SPDYE10: variants seen among roughly 807,000 people sequenced by gnomAD.
SPDYE10 encodes speedy protein E10.
At chr7:73,149,605 C>T in the SPDYE10 span, among the ~76,000 whole-genome samples, 1 of 152,186 alleles carries the variant, frequency 6.6e-6, no homozygotes, top group African/African-American at 2.4e-5. Context: ...TTTTTTTATT[C>T]ATCGTGTTTC....
chr7:73,127,386 A>T, the SPDYE10 span, among the ~76,000 whole-genome samples: 7 of 119,142 alleles, frequency 5.9e-5, no homozygotes, highest in South Asian at 1.4e-3. Flanking sequence ...CCCTGCCTCT[A>T]CTAAAAATGA....
the SPDYE10 span, among the ~76,000 whole-genome samples, chr7:73,123,788 C>CCTCTCT: frequency 0.13 from 12,785 of 97,284 alleles, 895 homozygotes; most frequent in Middle Eastern, 0.15. Context: ...TCTCTCTCTC[C>CCTCTCT]CTCTCTCTCT....
the SPDYE10 span, among the ~76,000 whole-genome samples, chr7:73,116,985 T>A: frequency 6.6e-6 from 1 of 151,660 alleles, no homozygotes; most frequent in South Asian, 2.1e-4. Context: ...AACCTCCACC[T>A]CCCAGGTTCA....
chr7:73,128,061 G>A, the SPDYE10 span, among the ~76,000 whole-genome samples: 1 of 151,322 alleles, frequency 6.6e-6, no homozygotes, highest in African/African-American at 2.4e-5. Flanking sequence ...CAGAAACAAA[G>A]TAAATGTTCA....
the SPDYE10 span, among the ~76,000 whole-genome samples, chr7:73,113,615 C>G: frequency 6.6e-6 from 1 of 151,130 alleles, no homozygotes; most frequent in Non-Finnish European, 1.5e-5. Flanking sequence ...GGGTTCCGGC[C>G]AGGCACAGTG....
the SPDYE10 span, among the ~76,000 whole-genome samples, chr7:73,123,711 G>T: frequency 2.0e-5 from 3 of 150,942 alleles, no homozygotes; most frequent in Non-Finnish European, 4.4e-5. Flanking sequence ...GCCCACCTCA[G>T]CTTCCCAAAG....
At chr7:73,145,006 CAA>C in the SPDYE10 span, among the ~76,000 whole-genome samples, 4 of 39,470 alleles carry the variant, frequency 1.0e-4, no homozygotes, top group East Asian at 1.2e-3. Context: ...GGCTTCGTCT[CAA>C]AAAAAAAAAA....
chr7:73,134,527 G>GA, the SPDYE10 span, among the ~76,000 whole-genome samples: 2 of 12,488 alleles, frequency 1.6e-4, no homozygotes, highest in Non-Finnish European at 2.6e-4. Flanking sequence ...TAATAAAAAA[G>GA]AAAGAAAGAA....
the SPDYE10 span, among the ~76,000 whole-genome samples, chr7:73,137,624 AAG>A: frequency 7.0e-6 from 1 of 143,564 alleles, no homozygotes; most frequent in East Asian, 2.0e-4. Flanking sequence ...GAAAGAAAGA[AAG>A]AAAGAAAGAA....
chr7:73,127,684 A>T, the SPDYE10 span, among the ~76,000 whole-genome samples: 2 of 124,110 alleles, frequency 1.6e-5, no homozygotes, highest in African/African-American at 5.8e-5. Context: ...CAGGCAATTC[A>T]CAGAAGGAAA....
chr7:73,134,637 A>C, the SPDYE10 span, among the ~76,000 whole-genome samples: 5 of 152,364 alleles, frequency 3.3e-5, no homozygotes, highest in Middle Eastern at 3.4e-3. Context: ...TGAGGCGGGC[A>C]GCTCACTTGA....
chr7:73,113,926 T>A, the SPDYE10 span, among the ~76,000 whole-genome samples: 1 of 151,710 alleles, frequency 6.6e-6, no homozygotes, highest in Non-Finnish European at 1.5e-5. Context: ...CTCAGGAGGC[T>A]GAGGCAGGAG....
the SPDYE10 span, among the ~76,000 whole-genome samples, chr7:73,148,979 CT>C: frequency 4.1e-3 from 389 of 94,484 alleles, 1 homozygote; most frequent in East Asian, 0.02. Flanking sequence ...CGAAAAATAA[CT>C]TTTTTTTTTT....
chr7:73,111,377 C>CTA, the SPDYE10 span, among the ~76,000 whole-genome samples: 1 of 144,396 alleles, frequency 6.9e-6, no homozygotes. Context: ...CCCTGGCTCT[C>CTA]TGAGTCCCTC....
At chr7:73,134,372 G>T in the SPDYE10 span, among the ~76,000 whole-genome samples, 1 of 148,248 alleles carries the variant, frequency 6.7e-6, no homozygotes, top group Non-Finnish European at 1.5e-5. Context: ...GGCCTGTTGT[G>T]CGGTGGAGGG....
the SPDYE10 span, among the ~76,000 whole-genome samples, chr7:73,134,561 G>GAA: frequency 6.6e-6 from 1 of 152,068 alleles, no homozygotes; most frequent in Non-Finnish European, 1.5e-5. Flanking sequence ...AAGAAAGAAA[G>GAA]AAAGAAACCG....
the SPDYE10 span, among the ~76,000 whole-genome samples, chr7:73,123,765 TTCTCTCTCTCTCTCTCTCTCTCCCTC>T: frequency 1.1e-4 from 9 of 82,366 alleles, no homozygotes; most frequent in Admixed American, 4.6e-4. Context: ...GCCATTTCCT[TTCTCTCTCTCTCTCTCTCTCTCCCTC>T]TCTCTCTCTC....
the SPDYE10 span, among the ~76,000 whole-genome samples, chr7:73,143,030 GGAAA>G: frequency 7.2e-6 from 1 of 138,308 alleles, no homozygotes; most frequent in East Asian, 2.0e-4. Context: ...AAGGAAGGAA[GGAAA>G]GAAGGAAGGA....
the SPDYE10 span, among the ~76,000 whole-genome samples, chr7:73,135,015 C>A: frequency 6.6e-6 from 1 of 152,310 alleles, no homozygotes; most frequent in Non-Finnish European, 1.5e-5. Context: ...TCTTGTCCTG[C>A]TGCAGCCTTG....
Sources: allele counts gnomAD v4.1 joint callset (sites outside exome capture counted in the v4.1 genomes callset), GRCh38; gene constraint gnomAD v4.1.1; transcripts MANE v1.5; gene names NCBI Gene and HGNC (gene_info 2026-07-23, HGNC 2026-07-21).